The following HSD17B4 variants were observed in gnomAD, a reference collection of about 807,000 sequenced individuals.
HSD17B4 encodes the protein peroxisomal multifunctional enzyme type 2.
In HSD17B4, 70 loss-of-function variants were observed where a neutral mutation model predicts 101.0. The ratio of observed to expected loss-of-function variants is 0.69; its 90% CI spans 0.57 to 0.85. The LOEUF (loss-of-function observed/expected upper bound fraction) is 0.85, where lower values mean the gene tolerates loss of function less well. HSD17B4 is among the 40% of genes least tolerant of loss of function. The pLI, the probability that HSD17B4 is intolerant of heterozygous loss-of-function variation, is 0.00. For synonymous variants in HSD17B4, 347 were observed against 297.1 expected (o/e 1.17, Z -1.73); for missense variants, 984 against 892.4 (o/e 1.10, Z -1.31).
intron 1 of HSD17B4, chr5:119,452,917 G>T: frequency 7.2e-7 from 1 of 1,389,652 alleles, no homozygotes; most frequent in East Asian, 2.5e-5. Context: ...AAAACTGGGT[G>T]AAAGTTCTCC....
intron 2 of HSD17B4, among the ~76,000 whole-genome samples, chr5:119,460,876 G>C (rs141271294): frequency 1.3e-5 from 2 of 152,346 alleles, no homozygotes; most frequent in African/African-American, 4.8e-5. Flanking sequence ...AGTGCGCCTT[G>C]AGGAGATCTG....
chr5:119,479,513 C>T (rs769069549), intron 8 of HSD17B4, among the ~76,000 whole-genome samples: 3 of 152,090 alleles, frequency 2.0e-5, no homozygotes, highest in Non-Finnish European at 2.9e-5. Context: ...CTGGGATTCA[C>T]CCTTTGTGTT....
intron 2 of HSD17B4, among the ~76,000 whole-genome samples, chr5:119,469,175 G>A (rs1233517190): frequency 6.6e-6 from 1 of 150,704 alleles, no homozygotes; most frequent in Admixed American, 6.6e-5. Flanking sequence ...GTATCTCACT[G>A]GATTTCCTTA....
chr5:119,488,660 G>A (rs1016153846), intron 8 of HSD17B4, among the ~76,000 whole-genome samples: 5 of 152,120 alleles, frequency 3.3e-5, no homozygotes, highest in Non-Finnish European at 7.4e-5. Flanking sequence ...CATATGCAGT[G>A]GGAAATTAGT....
chr5:119,535,149 C>A (rs1236409884), intron 22 of HSD17B4, among the ~76,000 whole-genome samples: 1 of 151,778 alleles, frequency 6.6e-6, no homozygotes, highest in Non-Finnish European at 1.5e-5. Flanking sequence ...ACATGATGTC[C>A]CTTTATGCCT....
intron 16 of HSD17B4, among the ~76,000 whole-genome samples, chr5:119,511,682 A>G (rs1390190097): frequency 6.6e-6 from 1 of 152,214 alleles, no homozygotes; most frequent in Non-Finnish European, 1.5e-5. Flanking sequence ...CTCTCTGAGG[A>G]GCAATATCAG....
chr5:119,490,078 C>G (rs925877832), intron 9 of HSD17B4, among the ~76,000 whole-genome samples: 1 of 151,574 alleles, frequency 6.6e-6, no homozygotes, highest in African/African-American at 2.4e-5. Context: ...GTATACAGAA[C>G]CTGTTGTAAA....
intron 20 of HSD17B4, among the ~76,000 whole-genome samples, chr5:119,529,034 A>G (rs1240411576): frequency 6.6e-6 from 1 of 152,120 alleles, no homozygotes; most frequent in Non-Finnish European, 1.5e-5. Context: ...TTGTTCATTA[A>G]TTATCTCTTT....
intron 15 of HSD17B4, 24 bp downstream of exon 15, chr5:119,506,913 A>T: frequency 8.2e-7 from 1 of 1,213,752 alleles, no homozygotes; most frequent in Non-Finnish European, 1.2e-6. Flanking sequence ...AATTCTTATA[A>T]TAATATTGTT....
chr5:119,493,350 G>A (rs1750291035), intron 10 of HSD17B4: 1 of 159,634 alleles, frequency 6.3e-6, no homozygotes, highest in Admixed American at 6.1e-5. Flanking sequence ...ATTATTTGGG[G>A]CCACCTGTTA....
At chr5:119,491,696 A>T (rs1199667954) in intron 9 of HSD17B4, among the ~76,000 whole-genome samples, 2 of 152,146 alleles carry the variant, frequency 1.3e-5, no homozygotes, top group Non-Finnish European at 2.9e-5. Context: ...TTTGGATCTC[A>T]TGATATGCTA....
intron 2 of HSD17B4, among the ~76,000 whole-genome samples, chr5:119,458,365 A>G (rs1754882395): frequency 6.8e-6 from 1 of 146,082 alleles, no homozygotes; most frequent in African/African-American, 2.5e-5. Flanking sequence ...TTTTTTTGAG[A>G]TGGAGTCTTG....
rs1189720109 is a variant in HSD17B4, at chr5:119,474,020, G to A, written c.220+5G>A. On this transcript the variant is annotated splice_donor_5th_base_variant and intron_variant, in intron 3 of 23. Coordinates refer to ENST00000510025, the MANE Select transcript of HSD17B4 (RefSeq NM_000414.4). Reference sequence around the variant, plus strand: ...GAAAAGCAGTGGCCAACTATGGTATGGTATTTGAGAGAACTATACTATTTA... The same window carrying A: ...GAAAAGCAGTGGCCAACTATGGTATAGTATTTGAGAGAACTATACTATTTA... 7.0e-7 allele frequency: 1 copy of A among 1,430,420 alleles called. No homozygotes were observed. The highest frequency in any genetic ancestry group is 9.9e-7 in the Non-Finnish European group (1 of 1,014,252). The allele number at this position is 1,430,420 out of a possible 1,614,324, so 88.6% of individuals were successfully genotyped here. A position where few individuals can be genotyped will look rare whatever the true frequency, so the allele number is the denominator to read the frequency against.
chr5:119,466,970 T>C (rs1161245482), intron 2 of HSD17B4, among the ~76,000 whole-genome samples: 1 of 152,196 alleles, frequency 6.6e-6, no homozygotes, highest in Non-Finnish European at 1.5e-5. Context: ...CTTTGGTATA[T>C]TGTGTTTTTA....
At chr5:119,459,940 G>C (rs892866516) in intron 2 of HSD17B4, among the ~76,000 whole-genome samples, 6 of 146,398 alleles carry the variant, frequency 4.1e-5, no homozygotes, top group Admixed American at 6.9e-5. Flanking sequence ...GCGCTATCTC[G>C]GCTCACTGCA....
At chr5:119,530,859 A>ATC (rs1260568011) in intron 21 of HSD17B4, among the ~76,000 whole-genome samples, 1 of 134,304 alleles carries the variant, frequency 7.4e-6, no homozygotes, top group Non-Finnish European at 1.6e-5. Flanking sequence ...AAAAAAAAAA[A>ATC]AAAACAAAAA....
chr5:119,472,457 G>C (rs543469054), intron 2 of HSD17B4: 2 of 150,562 alleles, frequency 1.3e-5, no homozygotes, highest in South Asian at 4.2e-4. Flanking sequence ...TTTTGAGACA[G>C]AGTTTCCACT....
intron 17 of HSD17B4, among the ~76,000 whole-genome samples, chr5:119,518,802 C>T (rs916219267): frequency 9.2e-5 from 14 of 152,092 alleles, no homozygotes; most frequent in Non-Finnish European, 1.6e-4. Flanking sequence ...TCTGGAATGT[C>T]TGTTTATAAT....
chr5:119,458,370 G>A (rs1207264996), intron 2 of HSD17B4, among the ~76,000 whole-genome samples: 6 of 149,780 alleles, frequency 4.0e-5, no homozygotes, highest in Admixed American at 1.3e-4. Flanking sequence ...TTGAGATGGA[G>A]TCTTGCTCTG....
Sources: allele counts gnomAD v4.1 joint callset (sites outside exome capture counted in the v4.1 genomes callset), GRCh38; gene constraint gnomAD v4.1.1; transcripts MANE v1.5; gene names NCBI Gene and HGNC (gene_info 2026-07-23, HGNC 2026-07-21).